Variants in DAB1 observed in about 807,000 individuals in gnomAD.
DAB1 encodes the protein disabled homolog 1.
Under a neutral mutation model 64.6 loss-of-function variants are expected in DAB1, and 15 were observed. That is an observed-to-expected ratio of 0.23 (90% CI 0.16 to 0.36). The LOEUF is 0.36. Ranked by LOEUF, DAB1 falls within the 10% of genes least tolerant of loss-of-function variation. The probability of loss-of-function intolerance (pLI) is 1.00; values close to 1 mark genes in which losing one functional copy is unlikely to be tolerated. For missense variants in DAB1, 596 were observed against 706.7 expected (o/e 0.84, Z 1.78); for synonymous variants, 235 against 251.9 (o/e 0.93, Z 0.64).
intron 4 of DAB1, among the ~76,000 whole-genome samples, chr1:58,173,520 T>A (rs1374534545): frequency 6.6e-6 from 1 of 151,840 alleles, no homozygotes; most frequent in African/African-American, 2.4e-5. Flanking sequence ...TTTTAATCAC[T>A]CTCTTGAATG....
chr1:57,673,107 G>T (rs3126011), intron 6 of DAB1, among the ~76,000 whole-genome samples: 40,022 of 152,034 alleles, frequency 0.26, 6,173 homozygotes, highest in Non-Finnish European at 0.36. Flanking sequence ...CAAGATCAAG[G>T]TGCTGGCAAA....
chr1:58,054,229 C>A (rs1186200514), intron 5 of DAB1, among the ~76,000 whole-genome samples: 1 of 152,212 alleles, frequency 6.6e-6, no homozygotes, highest in African/African-American at 2.4e-5. Flanking sequence ...TTTCTCCTTC[C>A]ATTTCTCTGC....
chr1:58,004,975 C>A (rs1646560130), intron 5 of DAB1, among the ~76,000 whole-genome samples: 2 of 152,166 alleles, frequency 1.3e-5, no homozygotes, highest in Admixed American at 6.5e-5. Context: ...AACCTCTCAG[C>A]TACTAGTAAG....
chr1:57,190,161 G>C (rs1356892211), intron 2 of DAB1, among the ~76,000 whole-genome samples: 1 of 152,172 alleles, frequency 6.6e-6, no homozygotes, highest in Admixed American at 6.5e-5. Context: ...TCTTTATTCA[G>C]TAGGTATGGG....
At chr1:57,060,372 G>A (rs547698482) in intron 9 of DAB1, among the ~76,000 whole-genome samples, 16 of 152,002 alleles carry the variant, frequency 1.1e-4, no homozygotes, top group African/African-American at 2.9e-4. Flanking sequence ...GGCTGGTCTC[G>A]AACTCCTGAC....
intron 4 of DAB1, among the ~76,000 whole-genome samples, chr1:58,165,541 T>C (rs1032342247): frequency 2.0e-5 from 3 of 152,214 alleles, no homozygotes; most frequent in African/African-American, 7.2e-5. Context: ...CATATGTAAG[T>C]AGATACAACA....
At chr1:58,427,870 C>T (rs1378491996) in intron 3 of DAB1, among the ~76,000 whole-genome samples, 1 of 152,180 alleles carries the variant, frequency 6.6e-6, no homozygotes, top group African/African-American at 2.4e-5. Flanking sequence ...AAGAGGTTTA[C>T]ACCAGCCAAA....
At chr1:58,401,815 C>A (rs1644570498) in intron 3 of DAB1, among the ~76,000 whole-genome samples, 1 of 152,198 alleles carries the variant, frequency 6.6e-6, no homozygotes. Flanking sequence ...TAACTGATGT[C>A]TTTTTAAAAT....
At chr1:58,533,725 TAAAA>T (rs369448873) in intron 1 of DAB1, among the ~76,000 whole-genome samples, 1 of 152,112 alleles carries the variant, frequency 6.6e-6, no homozygotes, top group Non-Finnish European at 1.5e-5. Context: ...AGACAGGTGA[TAAAA>T]ATAGTATTTA....
At chr1:57,905,513 A>G (rs1644537244) in intron 5 of DAB1, among the ~76,000 whole-genome samples, 2 of 152,150 alleles carry the variant, frequency 1.3e-5, no homozygotes, top group Admixed American at 1.3e-4. Flanking sequence ...ATGTGCCAAG[A>G]TAGGGACAGG....
intron 1 of DAB1, chr1:57,864,667 T>A (rs1654215031): frequency 7.5e-6 from 1 of 133,560 alleles, no homozygotes; most frequent in African/African-American, 2.9e-5. Flanking sequence ...TATTTATTTA[T>A]TTATTTATTT....
intron 4 of DAB1, among the ~76,000 whole-genome samples, chr1:58,290,105 G>A (rs1210407680): frequency 6.6e-6 from 1 of 152,116 alleles, no homozygotes; most frequent in Admixed American, 6.5e-5. Context: ...AATGGCATAG[G>A]ACCCCTTCTT....
intron 3 of DAB1, among the ~76,000 whole-genome samples, chr1:58,371,174 G>T (rs1052038961): frequency 6.6e-6 from 1 of 152,196 alleles, no homozygotes; most frequent in Admixed American, 6.5e-5. Flanking sequence ...TATGGACAAT[G>T]AAGTCTGGGC....
Position 57,576,480 on chromosome 1 carries a change from A to C in DAB1, n.625+73112T>G, listed in dbSNP as rs1215851585. Reference sequence around the variant, plus strand: ...ACTCAGGGAGAAGACGACCATGTGAAGGAAGAGATAGAAATTGGAATGGTG... The same window carrying C: ...ACTCAGGGAGAAGACGACCATGTGACGGAAGAGATAGAAATTGGAATGGTG... On this transcript the variant is annotated intron_variant and non_coding_transcript_variant, in intron 7 of 20. Transcript: ENST00000485760. 1.2e-4 allele frequency among the ~76,000 whole-genome samples: 18 copies of C among 152,324 alleles called. No homozygotes were observed. The East Asian group carries it at 3.3e-3, about 28-fold the overall frequency.
chr1:57,123,642 T>C (rs1158752353), intron 4 of DAB1, among the ~76,000 whole-genome samples: 1 of 152,174 alleles, frequency 6.6e-6, no homozygotes, highest in Non-Finnish European at 1.5e-5. Flanking sequence ...TTCAAAGCTG[T>C]GCTCAAAGAT....
At chr1:57,779,139 T>TAATG (rs1300227032) in intron 6 of DAB1, among the ~76,000 whole-genome samples, 2 of 151,908 alleles carry the variant, frequency 1.3e-5, no homozygotes, top group Non-Finnish European at 2.9e-5. Flanking sequence ...AATCAGAGAG[T>TAATG]AATGAGAAGA....
chr1:58,423,066 C>A (rs1235815282), intron 3 of DAB1, among the ~76,000 whole-genome samples: 1 of 152,134 alleles, frequency 6.6e-6, no homozygotes, highest in Non-Finnish European at 1.5e-5. Context: ...TCCATCATAC[C>A]ACCTCTTCCC....
intron 2 of DAB1, among the ~76,000 whole-genome samples, chr1:57,203,334 T>A (rs1569875527): frequency 6.6e-6 from 1 of 152,332 alleles, no homozygotes; most frequent in East Asian, 1.9e-4. Context: ...TGCTTGTACA[T>A]CCATTTCTTC....
chr1:58,263,305 A>G (rs1661090896), intron 4 of DAB1, among the ~76,000 whole-genome samples: 2 of 152,228 alleles, frequency 1.3e-5, no homozygotes, highest in Admixed American at 1.3e-4. Context: ...AATCATTACT[A>G]CAAGCCAGAT....
Sources: allele counts gnomAD v4.1 joint callset (sites outside exome capture counted in the v4.1 genomes callset), GRCh38; gene constraint gnomAD v4.1.1; transcripts MANE v1.5; gene names NCBI Gene and HGNC (gene_info 2026-07-23, HGNC 2026-07-21).